Variants in TTPA observed in about 807,000 individuals in gnomAD.
The protein encoded by TTPA is alpha tocopherol transfer protein.
Under a neutral mutation model 25.9 loss-of-function variants are expected in TTPA, and 23 were observed. The ratio of observed to expected loss-of-function variants is 0.89; its 90% CI spans 0.64 to 1.26. The LOEUF is 1.26. TTPA is among the 50% of genes most tolerant of loss of function. The probability of loss-of-function intolerance (pLI) is 0.00; values close to 1 mark genes in which losing one functional copy is unlikely to be tolerated. For synonymous variants in TTPA, 148 were observed against 137.3 expected, an observed-to-expected ratio of 1.08 and a Z score of -0.54; for missense variants, 337 against 353.1, an observed-to-expected ratio of 0.95 and a Z score of 0.37.
chr8:63,063,013 T>C (rs1805332358), intron 4 of TTPA, among the ~76,000 whole-genome samples: 1 of 152,224 alleles, frequency 6.6e-6, no homozygotes, highest in Non-Finnish European at 1.5e-5. Context: ...ATCCACTGCA[T>C]AACCTCTAAA....
rs2129732137 is a variant in TTPA, at chr8:63,060,552, TATATAAA to T, written c.*693_*699del. On this transcript the variant is annotated 3_prime_UTR_variant, in exon 5 of 5. Transcript: ENST00000260116. ...GGCCAACGTGGCAAAACCCCATCTC[TATATAAA>T]ATACAAAACTTAGCCAGGAGTGGTG... 6.6e-6 allele frequency: 1 copy of T among 152,270 alleles called. No individual in the cohort carries two copies. The highest frequency in any genetic ancestry group is 6.5e-5 in the Admixed American group (1 of 15,282). 9.4% of individuals were successfully genotyped at this position (152,270 alleles called of 1,614,324 possible).
rs1383278095 is a variant in TTPA at position 63,085,893 on chromosome 8, C to A, written c.129G>T (p.Ala43=). 2 of 1,530,230 alleles carry A rather than the reference C, an allele frequency of 1.3e-6. No individual in the cohort carries two copies. The allele number at this position is 1,530,230 out of a possible 1,614,324, so 94.8% of individuals were successfully genotyped here. The change falls in exon 1 of 5, where the codon GCG becomes GCT. Residue 43 remains alanine (A), a synonymous_variant. Coordinates refer to ENST00000260116, the MANE Select transcript of TTPA (RefSeq NM_000370.3). ...RRAREAGVPL[A]PLPLTDSFLL... ...GGAAGGAGTCGGTGAGCGGCAGCGG[C>A]GCGAGCGGGACGCCAGCTTCCCGGG...
At position 63,060,157 on chromosome 8, in the gene TTPA, T is replaced by TA. The variant is rs2129731131; in HGVS notation, c.*1094dup. 1 of 152,370 alleles carries TA rather than the reference T, an allele frequency of 6.6e-6. No individual in the cohort carries two copies. Among genetic ancestry groups the TA allele is most frequent in the African/African-American group, 2.4e-5 (1 of 41,586 alleles). The allele number at this position is 152,370 out of a possible 1,614,324, so 9.4% of individuals were successfully genotyped here. The stretch of plus-strand genomic sequence containing the variant: ...AAACATTTCCTTTCCTTTGTGTAGT[T>TA]ACGTTATTGTTAACTAAAAACAGTC... On this transcript the variant is annotated 3_prime_UTR_variant, in exon 5 of 5. Coordinates refer to ENST00000260116, the MANE Select transcript of TTPA (RefSeq NM_000370.3).
rs565972820 is a variant in TTPA, at chr8:63,069,050, G to A, written c.359-2953C>T. ...CACACCTGTAGTCCCAGCTACTTGG[G>A]AAGCTGAGGCAGGAGAATCGCTTGA... On this transcript the variant is annotated intron_variant, in intron 2 of 4. Coordinates refer to ENST00000260116, the MANE Select transcript of TTPA (RefSeq NM_000370.3). Among the ~76,000 whole-genome samples, 5 of 152,182 alleles carry A rather than the reference G, an allele frequency of 3.3e-5. No individual in the cohort carries two copies. In the South Asian group the frequency reaches 1.0e-3, roughly 32 times the overall value.
Position 63,061,226 on chromosome 8 carries a change from G to T in TTPA, c.*26C>A. The T allele has an allele frequency of 1.2e-6, 2 of 1,609,134 alleles. No individual in the cohort carries two copies. Among genetic ancestry groups the T allele is most frequent in the African/African-American group, 1.3e-5 (1 of 74,950 alleles). ...GATATCACTCATGTATTTTTAGTTA[G>T]GAAGCCATTCACATGACATAACTTC... On this transcript the variant is annotated 3_prime_UTR_variant, in exon 5 of 5. Transcript: ENST00000260116.
intron 2 of TTPA, among the ~76,000 whole-genome samples, chr8:63,070,928 A>G (rs1353058086): frequency 6.6e-6 from 1 of 152,260 alleles, no homozygotes; most frequent in Admixed American, 6.5e-5. Flanking sequence ...GATAACCAGT[A>G]TATAATTTTT....
At chr8:63,059,020 G>GTTTTTTTTTTTTGTTTTT (rs1805248010), downstream of TTPA, among the ~76,000 whole-genome samples, 1 of 67,144 alleles carries the variant, frequency 1.5e-5, no homozygotes, top group African/African-American at 6.0e-5. Flanking sequence ...GCAGGGTCCA[G>GTTTTTTTTTTTTGTTTTT]TTTTTTTTTT....
chr8:63,085,936 GC>G lies in TTPA; in HGVS notation c.85del (p.Ala29ArgfsTer42). On this transcript the variant is annotated frameshift_variant, in exon 1 of 5. Transcript: ENST00000260116. LOFTEE classifies it high-confidence loss of function. Reference protein sequence around the residue: ...DHSPLLQPGLAALRRRAREAG... With the variant: ...DHSPLLQPGLXALRRRAREAG... Reference sequence around the variant, plus strand: ...TTCCCGGGCCCGGCGCCGCAGCGCCGCCAGGCCCGGCTGCAGCAACGGAGAG... The same window carrying G: ...TTCCCGGGCCCGGCGCCGCAGCGCCGCAGGCCCGGCTGCAGCAACGGAGAG... 5.3e-6 allele frequency: 8 copies of G among 1,519,332 alleles called. No individual in the cohort carries two copies. The highest frequency in any genetic ancestry group is 6.1e-6 in the Non-Finnish European group (7 of 1,140,722). The allele number at this position is 1,519,332 out of a possible 1,614,324, so 94.1% of individuals were successfully genotyped here.
At chr8:63,080,397 C>T (rs1046388878) in intron 1 of TTPA, among the ~76,000 whole-genome samples, 5 of 152,042 alleles carry the variant, frequency 3.3e-5, no homozygotes, top group African/African-American at 7.2e-5. Flanking sequence ...TTTTTTGAAA[C>T]GATCAACAAA....
At chr8:63,063,829 T>G (rs1394727017) in intron 4 of TTPA, among the ~76,000 whole-genome samples, 3 of 152,110 alleles carry the variant, frequency 2.0e-5, no homozygotes, top group Admixed American at 2.0e-4. Context: ...TGGTGAACAC[T>G]TCCTGGTTTT....
chr8:63,059,544 A>G lies in TTPA; in HGVS notation c.*1708T>C, dbSNP rs1374467394. On this transcript the variant is annotated 3_prime_UTR_variant, in exon 5 of 5. Coordinates refer to ENST00000260116, the MANE Select transcript of TTPA (RefSeq NM_000370.3). ...CCTTACATAAAGATACTATTAATGT[A>G]TATGATTAATGTTGAAACCTAACTA... Among the ~76,000 whole-genome samples, 1 of 152,146 alleles carries G rather than the reference A, an allele frequency of 6.6e-6. No individual in the cohort carries two copies. Among genetic ancestry groups the G allele is most frequent in the Non-Finnish European group, 1.5e-5 (1 of 68,010 alleles).
intron 2 of TTPA, among the ~76,000 whole-genome samples, chr8:63,072,175 G>A (rs563164786): frequency 2.0e-5 from 3 of 152,296 alleles, no homozygotes; most frequent in African/African-American, 7.2e-5. Flanking sequence ...ACCAGACCAT[G>A]TTTTCAGTGC....
intron 2 of TTPA, among the ~76,000 whole-genome samples, chr8:63,070,577 GTTACATGTT>G (rs1420403778): frequency 3.6e-4 from 55 of 152,136 alleles, no homozygotes; most frequent in Admixed American, 3.6e-3. Context: ...CCATCACTAA[GTTACATGTT>G]TTCTTGATTT....
At position 63,065,933 on chromosome 8, in the gene TTPA, C is replaced by T. The variant is rs745623765; in HGVS notation, c.523G>A (p.Val175Ile). The change falls in exon 3 of 5, where the codon GTA (valine) becomes ATA (isoleucine). Residue 175 changes from valine to isoleucine, a missense_variant. Coordinates refer to ENST00000260116, the MANE Select transcript of TTPA (RefSeq NM_000370.3). Reference protein sequence around the residue: ...FSHAFQITPSVAKKIAAVLTD... With the variant: ...FSHAFQITPSIAKKIAAVLTD... ...AGTACAGCAGCAATCTTCTTGGCTA[C>T]GGATGGAGTGATTTGAAAAGCATGA... 31 of 1,613,894 alleles carry T rather than the reference C, an allele frequency of 1.9e-5. No individual in the cohort carries two copies. In the East Asian group the frequency reaches 4.5e-4, roughly 23 times the overall value.
intron 1 of TTPA, among the ~76,000 whole-genome samples, chr8:63,082,642 G>A (rs1407712049): frequency 6.6e-6 from 1 of 152,082 alleles, no homozygotes; most frequent in Non-Finnish European, 1.5e-5. Context: ...ACTGAGAAAC[G>A]GGATCTAATT....
At chr8:63,062,851 G>A (rs1308751737) in intron 4 of TTPA, among the ~76,000 whole-genome samples, 1 of 152,182 alleles carries the variant, frequency 6.6e-6, no homozygotes, top group Admixed American at 6.5e-5. Context: ...TAAACAGAGG[G>A]AAGCCAGATA....
rs144000806 is a variant in TTPA at position 63,067,165 on chromosome 8, T to C, written c.359-1068A>G. On this transcript the variant is annotated intron_variant, in intron 2 of 4. Transcript: ENST00000260116. ...TATTATTAAAAAGACTCCATTGAGA[T>C]ATTAGAAATAAAAAGATAAGTTTTT... Among the ~76,000 whole-genome samples, 60 of 152,272 alleles carry C rather than the reference T, an allele frequency of 3.9e-4. 1 individual carries two copies. In the East Asian group the frequency reaches 0.011, roughly 27 times the overall value.
intron 3 of TTPA, among the ~76,000 whole-genome samples, chr8:63,065,233 C>T (rs991629100): frequency 1.3e-5 from 2 of 152,056 alleles, no homozygotes; most frequent in African/African-American, 4.8e-5. Context: ...TTCAGGTGAC[C>T]TGGGCTGGAA....
At chr8:63,080,019 C>T (rs1805634884) in intron 1 of TTPA, among the ~76,000 whole-genome samples, 1 of 152,324 alleles carries the variant, frequency 6.6e-6, no homozygotes, top group South Asian at 2.1e-4. Context: ...AAGAAACTCA[C>T]TCAAAACCGC....
Sources: gnomAD v4.1 joint callset for allele counts (sites outside exome capture counted in the v4.1 genomes callset) on GRCh38, gnomAD v4.1.1 for gene constraint, MANE v1.5 for transcripts, NCBI Gene and HGNC (gene_info 2026-07-23, HGNC 2026-07-21) for gene names.